The following MALRD1 variants were observed in gnomAD, a reference collection of about 807,000 sequenced individuals.
MALRD1 encodes the protein MAM and LDL-receptor class A domain-containing protein 1.
Under a neutral mutation model 242.1 loss-of-function variants are expected in MALRD1, and 247 were observed. The ratio of observed to expected loss-of-function variants is 1.02; its 90% confidence interval spans 0.92 to 1.13. The LOEUF is 1.13. MALRD1 is among the 50% of genes most tolerant of loss of function. MALRD1 has a pLI of 0.00. For synonymous variants in MALRD1, 995 were observed against 866.6 expected (o/e 1.15, Z -2.60); for missense variants, 2,989 against 2,533.1 (o/e 1.18, Z -3.86).
chr10:19,314,716 T>A (rs1235909671), intron 21 of MALRD1, among the ~76,000 whole-genome samples: 1 of 151,542 alleles, frequency 6.6e-6, no homozygotes, highest in Non-Finnish European at 1.5e-5. Context: ...TTAAGTAGTA[T>A]CTATGGCTGC....
chr10:19,408,180 G>A (rs1439631713), intron 28 of MALRD1, among the ~76,000 whole-genome samples: 1 of 152,144 alleles, frequency 6.6e-6, no homozygotes, highest in Non-Finnish European at 1.5e-5. Context: ...GGCAGCAGGT[G>A]CTTGAATGAA....
At chr10:19,692,404 G>C in intron 37 of MALRD1, 43 bp downstream of exon 37, 4 of 1,531,124 alleles carry the variant, frequency 2.6e-6, no homozygotes, top group Non-Finnish European at 1.7e-6. Flanking sequence ...GTTTGGGGTG[G>C]TCTCTAATAT....
At chr10:19,168,499 G>T (rs1834793246) in intron 13 of MALRD1, among the ~76,000 whole-genome samples, 1 of 152,132 alleles carries the variant, frequency 6.6e-6, no homozygotes, top group Non-Finnish European at 1.5e-5. Context: ...TGAAACACAT[G>T]CCATTTCTGT....
chr10:19,410,014 C>G (rs1833207956), intron 28 of MALRD1, among the ~76,000 whole-genome samples: 1 of 152,016 alleles, frequency 6.6e-6, no homozygotes, highest in African/African-American at 2.4e-5. Context: ...TCCACAATAT[C>G]ATCACAAAAT....
At chr10:19,542,534 G>T (rs1589221234) in intron 32 of MALRD1, among the ~76,000 whole-genome samples, 1 of 151,362 alleles carries the variant, frequency 6.6e-6, no homozygotes, top group African/African-American at 2.4e-5. Context: ...ATCTCCTGAT[G>T]TTTTTTTTCC....
chr10:19,329,412 A>ACCC (rs371714617), intron 23 of MALRD1, among the ~76,000 whole-genome samples: 1,085 of 89,254 alleles, frequency 0.012, 5 homozygotes, highest in African/African-American at 0.045. Context: ...TTTATTTGGG[A>ACCC]CCCCCCCCCA....
In MALRD1 at chr10:19,585,389, C is replaced by A. The variant is rs186335370; in HGVS notation, c.5681-9805C>A. On this transcript the variant is annotated intron_variant, in intron 33 of 39. Coordinates refer to ENST00000454679, the MANE Select transcript of MALRD1 (RefSeq NM_001142308.3). ...CGGTTGTTCCTTTCTGTGTTTAGCG[C>A]TTCCTTCAGGAGCTCTTTTAGGGCA... 7.1e-3 allele frequency among the ~76,000 whole-genome samples: 1,077 copies of A among 151,950 alleles called. 16 individuals carry two copies. The highest frequency in any genetic ancestry group is 0.025 in the African/African-American group (1,034 of 41,434).
chr10:19,639,955 C>G (rs1389835266), intron 36 of MALRD1, among the ~76,000 whole-genome samples: 1 of 152,128 alleles, frequency 6.6e-6, no homozygotes, highest in Non-Finnish European at 1.5e-5. Context: ...AAGTCCACAG[C>G]AAAGCTGTGC....
At chr10:19,562,481 G>A (rs1211458094) in intron 32 of MALRD1, among the ~76,000 whole-genome samples, 2 of 152,066 alleles carry the variant, frequency 1.3e-5, no homozygotes, top group African/African-American at 4.8e-5. Context: ...TATTCACCCT[G>A]AGCCTCCAGC....
In MALRD1 at chr10:19,489,124, G is replaced by GA. The variant is rs917037824; in HGVS notation, c.5030-2391dup. 7.6e-4 allele frequency: 356 copies of GA among 465,632 alleles called. 2 individuals carry two copies. The Admixed American group carries it at 8.1e-3, about 11-fold the overall frequency. The allele number at this position is 465,632 out of a possible 1,614,324, so 28.8% of individuals were successfully genotyped here. The stretch of plus-strand genomic sequence containing the variant: ...GCCCAAGAGGAAGGTCAGCTCTGCT[G>GA]AAGGGGCCGCCACAGGAAAAGCCTA... On this transcript the variant is annotated intron_variant, in intron 29 of 39. Transcript: ENST00000454679.
chr10:19,544,019 T>C (rs1835097835), intron 32 of MALRD1, among the ~76,000 whole-genome samples: 1 of 152,200 alleles, frequency 6.6e-6, no homozygotes, highest in South Asian at 2.1e-4. Flanking sequence ...TATGGCTGAA[T>C]TGTGTTTTTT....
At chr10:19,418,322 G>C (rs1444967508) in intron 28 of MALRD1, among the ~76,000 whole-genome samples, 2 of 151,552 alleles carry the variant, frequency 1.3e-5, no homozygotes, top group Non-Finnish European at 2.9e-5. Context: ...CCATGATTAA[G>C]ATTTTAAACT....
intron 38 of MALRD1, among the ~76,000 whole-genome samples, chr10:19,697,115 A>G (rs1392849954): frequency 1.3e-5 from 2 of 152,196 alleles, no homozygotes; most frequent in East Asian, 1.9e-4. Context: ...AAAAACACAC[A>G]TAAAAATAGG....
intron 31 of MALRD1, among the ~76,000 whole-genome samples, chr10:19,500,073 T>G (rs1282542622): frequency 6.6e-6 from 1 of 152,178 alleles, no homozygotes; most frequent in African/African-American, 2.4e-5. Context: ...TGTAGTTTAC[T>G]TTTTTCACTG....
At chr10:19,093,849 C>A (rs1345695533) in intron 4 of MALRD1, among the ~76,000 whole-genome samples, 5 of 87,574 alleles carry the variant, frequency 5.7e-5, no homozygotes, top group African/African-American at 2.4e-4. Flanking sequence ...AATACCCTGC[C>A]GTGTGAGGTG....
intron 35 of MALRD1, among the ~76,000 whole-genome samples, chr10:19,612,666 G>C (rs1171555924): frequency 6.6e-6 from 1 of 151,920 alleles, no homozygotes; most frequent in African/African-American, 2.4e-5. Context: ...AGGTTAGACA[G>C]GATTCTGCTT....
rs985980171 is a variant in MALRD1, at chr10:19,146,301, G to C, written c.1515G>C (p.Glu505Asp). 2 of 1,231,596 alleles carry C rather than the reference G, an allele frequency of 1.6e-6. No homozygotes were observed. Among genetic ancestry groups the C allele is most frequent in the African/African-American group, 3.1e-5 (2 of 64,528 alleles). The allele number at this position is 1,231,596 out of a possible 1,614,324, so 76.3% of individuals were successfully genotyped here. Residue 505 changes from glutamate (E) to aspartate (D), a missense_variant, in exon 11 of 40, where the codon GAG becomes GAC. Glu to Asp is a conservative substitution (Grantham distance 45). Coordinates refer to ENST00000454679, the MANE Select transcript of MALRD1 (RefSeq NM_001142308.3). ...TGATGAAAGGATTGAATAATGGAGA[G>C]CACCACTTTCCTGCAGCTGATCACA... ...WKLMKGLNNG[E>D]HHFPAADHTA...
intron 21 of MALRD1, among the ~76,000 whole-genome samples, chr10:19,314,510 T>C (rs1842554883): frequency 6.6e-6 from 1 of 151,612 alleles, no homozygotes; most frequent in Non-Finnish European, 1.5e-5. Context: ...ATCCATGAAA[T>C]GGGCATATCT....
chr10:19,497,837 G>A (rs977713154), intron 30 of MALRD1, among the ~76,000 whole-genome samples: 1 of 152,108 alleles, frequency 6.6e-6, no homozygotes, highest in Admixed American at 6.6e-5. Context: ...CTAGATCAGG[G>A]TATCATGATG....
Sources: gnomAD v4.1 joint callset for allele counts (sites outside exome capture counted in the v4.1 genomes callset) on GRCh38, gnomAD v4.1.1 for gene constraint, MANE v1.5 for transcripts, NCBI Gene and HGNC (gene_info 2026-07-23, HGNC 2026-07-21) for gene names.